Variants in MYO1D observed in about 807,000 individuals in gnomAD.
The protein encoded by MYO1D is myosin ID, also known as unconventional myosin-Id.
In MYO1D, 83 loss-of-function variants were observed where a neutral mutation model predicts 122.0. That is an observed-to-expected ratio of 0.68 (90% confidence interval 0.57 to 0.82). MYO1D has a LOEUF of 0.82. Ranked by LOEUF, MYO1D falls within the 40% of genes least tolerant of loss-of-function variation. The probability of loss-of-function intolerance (pLI) is 0.00; values close to 1 mark genes in which losing one functional copy is unlikely to be tolerated. For synonymous variants in MYO1D, 464 were observed against 446.9 expected (o/e 1.04, Z -0.48); for missense variants, 1,157 against 1,269.5 (o/e 0.91, Z 1.35).
At chr17:32,552,716 G>T (rs1029258829) in intron 21 of MYO1D, among the ~76,000 whole-genome samples, 2 of 152,200 alleles carry the variant, frequency 1.3e-5, no homozygotes, top group Non-Finnish European at 2.9e-5. Context: ...AGATACAGAT[G>T]TGGAAACTGA....
chr17:32,612,206 T>TTA (rs1567909495), intron 20 of MYO1D, among the ~76,000 whole-genome samples: 1 of 152,128 alleles, frequency 6.6e-6, no homozygotes, highest in East Asian at 1.9e-4. Flanking sequence ...TATACCCTGT[T>TTA]TATAAAATTA....
chr17:32,638,951 T>A (rs1157613827), intron 19 of MYO1D, 116 bp from the exon 20 acceptor site: 7 of 668,712 alleles, frequency 1.0e-5, no homozygotes, highest in East Asian at 2.6e-5. Context: ...CTCTACTGGA[T>A]GCAATAAAGA....
chr17:32,570,019 C>T (rs1473272948), intron 21 of MYO1D, among the ~76,000 whole-genome samples: 1 of 152,158 alleles, frequency 6.6e-6, no homozygotes, highest in Non-Finnish European at 1.5e-5. Flanking sequence ...TTAAATAAAT[C>T]ACCAAGGGAA....
chr17:32,828,855 G>C (rs2090747335), intron 1 of MYO1D, among the ~76,000 whole-genome samples: 1 of 152,162 alleles, frequency 6.6e-6, no homozygotes, highest in Admixed American at 6.5e-5. Flanking sequence ...AGTTCTGTTG[G>C]TGCCATACTA....
chr17:32,664,617 G>A (rs1282022907), intron 16 of MYO1D, among the ~76,000 whole-genome samples: 1 of 152,194 alleles, frequency 6.6e-6, no homozygotes, highest in Non-Finnish European at 1.5e-5. Flanking sequence ...ACTGGGACCT[G>A]CGAGGTGAAG....
chr17:32,769,413 G>A (rs1350988530), intron 6 of MYO1D, among the ~76,000 whole-genome samples: 4 of 152,148 alleles, frequency 2.6e-5, no homozygotes, highest in African/African-American at 9.7e-5. Flanking sequence ...TCCTATCTCA[G>A]AGTTTCTTGT....
intron 1 of MYO1D, among the ~76,000 whole-genome samples, chr17:32,816,119 G>GTAGAA (rs2090611467): frequency 6.6e-6 from 1 of 152,164 alleles, no homozygotes. Flanking sequence ...GAATGTCTGT[G>GTAGAA]GGTCTAGTGT....
At chr17:32,822,610 CCGTGGCCCGCCGGCCCCCGTCCCGGGG>C (rs2090680900) in intron 1 of MYO1D, among the ~76,000 whole-genome samples, 1 of 148,804 alleles carries the variant, frequency 6.7e-6, no homozygotes, top group Non-Finnish European at 1.5e-5. Flanking sequence ...CGAGCCGGGC[CCGTGGCCCGCCGGCCCCCGTCCCGGGG>C]GGTGGCCGCG....
intron 21 of MYO1D, among the ~76,000 whole-genome samples, chr17:32,554,180 T>C (rs1369862869): frequency 6.6e-6 from 1 of 152,180 alleles, no homozygotes; most frequent in African/African-American, 2.4e-5. Context: ...TCAACTGAGC[T>C]GAGAGTCCCT....
intron 21 of MYO1D, among the ~76,000 whole-genome samples, chr17:32,499,879 C>T (rs1258364030): frequency 6.6e-6 from 1 of 152,156 alleles, no homozygotes; most frequent in African/African-American, 2.4e-5. Flanking sequence ...GGAAGAATCG[C>T]TGGAGCCTGG....
At chr17:32,820,626 A>G (rs34822561) in intron 1 of MYO1D, among the ~76,000 whole-genome samples, 66,844 of 152,002 alleles carry the variant, frequency 0.44, 14,747 homozygotes, top group East Asian at 0.54. Context: ...AACCTCATAC[A>G]ATTATGACCA....
intron 16 of MYO1D, among the ~76,000 whole-genome samples, chr17:32,687,883 G>C (rs1300991644): frequency 6.6e-6 from 1 of 152,090 alleles, no homozygotes; most frequent in African/African-American, 2.4e-5. Context: ...CATGATGCTG[G>C]GAGTCCTCTG....
At chr17:32,864,037 T>TTTTTTTTTTTTTTTC (rs2091102449) in intron 1 of MYO1D, among the ~76,000 whole-genome samples, 1 of 115,980 alleles carries the variant, frequency 8.6e-6, no homozygotes, top group Non-Finnish European at 2.0e-5. Context: ...TTTTTTTTTT[T>TTTTTTTTTTTTTTTC]TTTTTTTGGT....
intron 21 of MYO1D, among the ~76,000 whole-genome samples, chr17:32,574,773 G>A (rs2087263724): frequency 6.6e-6 from 1 of 152,270 alleles, no homozygotes; most frequent in East Asian, 1.9e-4. Context: ...GCATATCCCT[G>A]GTGAGCTGTG....
At chr17:32,566,814 T>C in intron 21 of MYO1D, among the ~76,000 whole-genome samples, 1 of 64,078 alleles carries the variant, frequency 1.6e-5, no homozygotes, top group South Asian at 5.4e-4. Context: ...AAAGCTTCCC[T>C]CTTTGGTCTT....
intron 14 of MYO1D, among the ~76,000 whole-genome samples, chr17:32,731,840 C>A (rs2089642820): frequency 6.6e-6 from 1 of 152,198 alleles, no homozygotes; most frequent in Non-Finnish European, 1.5e-5. Context: ...GCCCCAACCT[C>A]CTGGGTGAAG....
chr17:32,509,936 GGGA>G (rs1909631623), intron 21 of MYO1D: 2 of 152,168 alleles, frequency 1.3e-5, no homozygotes, highest in Admixed American at 1.3e-4. Context: ...GTCTTAGATT[GGGA>G]GGAGAAGGTT....
intron 15 of MYO1D, among the ~76,000 whole-genome samples, chr17:32,718,092 T>A (rs2089468563): frequency 6.6e-6 from 1 of 152,216 alleles, no homozygotes; most frequent in Non-Finnish European, 1.5e-5. Flanking sequence ...TCTGGCCCAC[T>A]AATTTACTTT....
intron 16 of MYO1D, among the ~76,000 whole-genome samples, chr17:32,690,063 T>A (rs1598011389): frequency 6.6e-6 from 1 of 152,170 alleles, no homozygotes; most frequent in Non-Finnish European, 1.5e-5. Flanking sequence ...ATAACTTATA[T>A]AACTGTTTTC....
Sources: allele counts gnomAD v4.1 joint callset (sites outside exome capture counted in the v4.1 genomes callset), GRCh38; gene constraint gnomAD v4.1.1; transcripts MANE v1.5; gene names NCBI Gene and HGNC (gene_info 2026-07-23, HGNC 2026-07-21).